The following XRN1 variants were observed in gnomAD, a reference collection of about 807,000 sequenced individuals.
XRN1 encodes strand-exchange protein 1 homolog.
In XRN1, 67 loss-of-function variants were observed where a neutral mutation model predicts 222.3. That is an observed-to-expected ratio of 0.30 (90% confidence interval 0.25 to 0.37). The LOEUF (loss-of-function observed/expected upper bound fraction) is 0.37. Among genes scored for constraint, XRN1 ranks in the 10% least tolerant of loss-of-function variants. The pLI is 1.00. For missense variants in XRN1, 1,707 were observed against 2,000.2 expected, an observed-to-expected ratio of 0.85 and a Z score of 2.80; for synonymous variants, 643 against 652.4, an observed-to-expected ratio of 0.99 and a Z score of 0.22.
At chr3:142,347,185 T>TA in intron 33 of XRN1, 49 bp downstream of exon 33, 1 of 1,227,570 alleles carries the variant, frequency 8.1e-7, no homozygotes, top group Non-Finnish European at 1.2e-6. Context: ...TTTATTTTTT[T>TA]AAAAAAGAAG....
chr3:142,346,115 C>T (rs1037483781), intron 33 of XRN1, among the ~76,000 whole-genome samples: 1 of 152,196 alleles, frequency 6.6e-6, no homozygotes, highest in South Asian at 2.1e-4. Context: ...ACTATAGCCC[C>T]AATGTGGAAA....
intron 27 of XRN1, among the ~76,000 whole-genome samples, chr3:142,368,305 C>T (rs959206292): frequency 3.3e-5 from 5 of 152,128 alleles, no homozygotes; most frequent in African/African-American, 9.6e-5. Flanking sequence ...CCCGCCACCA[C>T]GCCTGGCTAA....
intron 34 of XRN1, 101 bp downstream of exon 34, chr3:142,335,347 T>G: frequency 8.9e-7 from 1 of 1,129,370 alleles, no homozygotes; most frequent in Middle Eastern, 2.0e-4. Flanking sequence ...ACACACCTTA[T>G]AAATTTGGTT....
chr3:142,326,280 A>G (rs2065514180), intron 37 of XRN1, among the ~76,000 whole-genome samples: 1 of 152,092 alleles, frequency 6.6e-6, no homozygotes, highest in Non-Finnish European at 1.5e-5. Context: ...CCAATACATG[A>G]ACATGGACAA....
intron 36 of XRN1, among the ~76,000 whole-genome samples, chr3:142,330,214 G>A (rs1485944275): frequency 1.3e-5 from 2 of 152,128 alleles, no homozygotes; most frequent in Non-Finnish European, 2.9e-5. Context: ...TGGCTTTCTT[G>A]AGCTGAAATA....
At chr3:142,442,887 C>T (rs1470162789) in intron 1 of XRN1, among the ~76,000 whole-genome samples, 5 of 152,184 alleles carry the variant, frequency 3.3e-5, no homozygotes, top group Admixed American at 6.5e-5. Flanking sequence ...GCGCCCAACA[C>T]GACGCCCGGC....
chr3:142,389,157 G>A (rs1343749435), intron 20 of XRN1, among the ~76,000 whole-genome samples: 1 of 152,188 alleles, frequency 6.6e-6, no homozygotes, highest in Non-Finnish European at 1.5e-5. Flanking sequence ...AGGTTGCAGT[G>A]AGCCGAGATC....
chr3:142,411,355 T>C (rs2068571739), intron 15 of XRN1, among the ~76,000 whole-genome samples: 1 of 152,198 alleles, frequency 6.6e-6, no homozygotes, highest in African/African-American at 2.4e-5. Flanking sequence ...TTCTGCTTCT[T>C]TTTATTTCCT....
chr3:142,423,472 A>G, intron 6 of XRN1, 88 bp downstream of exon 6: 1 of 1,054,934 alleles, frequency 9.5e-7, no homozygotes, highest in South Asian at 2.2e-5. Context: ...CTACGGAATG[A>G]GATAAAGTAT....
intron 1 of XRN1, among the ~76,000 whole-genome samples, chr3:142,439,836 G>A (rs1439824241): frequency 6.6e-6 from 1 of 152,028 alleles, no homozygotes; most frequent in East Asian, 1.9e-4. Context: ...TGGGCAAATC[G>A]AATGCCTAAA....
At chr3:142,424,848 T>G (rs970649613) in intron 5 of XRN1, among the ~76,000 whole-genome samples, 1 of 76,776 alleles carries the variant, frequency 1.3e-5, no homozygotes, top group African/African-American at 6.6e-5. Flanking sequence ...AAAATTTCCA[T>G]AATAAAAAGT....
Position 142,404,008 on chromosome 3 carries a change from C to T in XRN1, c.1884-19G>A, listed in dbSNP as rs768886719. 4.8e-5 allele frequency: 73 copies of T among 1,535,456 alleles called. No homozygotes were observed. Among genetic ancestry groups the T allele is most frequent in the Non-Finnish European group, 6.4e-5 (72 of 1,118,246 alleles). ...TTTATACCTAGAAAATAAATCAAGG[C>T]ATTTAATTTAAAATTAATACATTAC... On this transcript the variant is annotated intron_variant, in intron 16 of 40. Transcript: ENST00000392981.
At chr3:142,438,692 C>T (rs140469492) in intron 1 of XRN1, among the ~76,000 whole-genome samples, 3 of 152,186 alleles carry the variant, frequency 2.0e-5, no homozygotes, top group East Asian at 1.9e-4. Context: ...CGCCTGGCCA[C>T]GATATCCTCT....
chr3:142,409,399 T>C (rs2068472151), intron 15 of XRN1, among the ~76,000 whole-genome samples: 1 of 152,238 alleles, frequency 6.6e-6, no homozygotes, highest in Non-Finnish European at 1.5e-5. Flanking sequence ...ATATAGCCAG[T>C]TGTTCTAGCA....
chr3:142,312,743 G>A lies in XRN1; in HGVS notation c.4637C>T (p.Ser1546Leu), dbSNP rs761957657. 1.5e-5 allele frequency: 24 copies of A among 1,610,744 alleles called. No homozygotes were observed. In the African/African-American group the frequency reaches 1.9e-4, roughly 13 times the overall value. The change falls in exon 40 of 41, where the codon TCG (serine) becomes TTG (leucine). Residue 1546 changes from serine (S) to leucine (L), a missense_variant. This residue lies in a region of XRN1 where 473 missense variants were observed against 482.0 expected (regional missense o/e 0.98). Coordinates refer to ENST00000392981, the MANE Select transcript of XRN1 (RefSeq NM_001282857.2). ...CATTGAGCCAAAGAGATGAGACGAC[G>A]AAGGCATTATATTAGCTGTTAAAAA... is the stretch of plus-strand genomic sequence containing the variant. ...FPPPTANIMPSSSHLFGSMPW... is the reference protein window; with the variant it reads ...FPPPTANIMPLSSHLFGSMPW...
rs1027894806 is a variant in XRN1, at chr3:142,392,841, G to A, written c.2339+4488C>T. ...TTATAGTCCTTTGGGTATATACCCC[G>A]TAATGGGATGGCTGGGTCAAATGGT... On this transcript the variant is annotated intron_variant, in intron 20 of 40. Transcript: ENST00000392981. Among the ~76,000 whole-genome samples the A allele has an allele frequency of 1.2e-3, 182 of 151,860 alleles. 2 individuals carry two copies. The highest frequency in any genetic ancestry group is 4.3e-3 in the African/African-American group (177 of 41,230).
intron 37 of XRN1, among the ~76,000 whole-genome samples, chr3:142,321,689 C>T (rs2065361407): frequency 6.6e-6 from 1 of 152,100 alleles, no homozygotes; most frequent in Non-Finnish European, 1.5e-5. Flanking sequence ...TCCTTTGTTA[C>T]TTTTATTCCT....
In XRN1 at chr3:142,365,386, G is replaced by T; in HGVS notation, c.3205-20C>A. 6.6e-7 allele frequency: 1 copy of T among 1,521,068 alleles called. No homozygotes were observed. The highest frequency in any genetic ancestry group is 8.9e-7 in the Non-Finnish European group (1 of 1,128,976). 94.2% of individuals were successfully genotyped at this position (1,521,068 alleles called of 1,614,324 possible). Reference sequence around the variant, plus strand: ...TCTTTGCTGAGGAAAAAGAAAAATTGTTAAATATTTTTAAAATATAAAATT... The same window carrying T: ...TCTTTGCTGAGGAAAAAGAAAAATTTTTAAATATTTTTAAAATATAAAATT... On this transcript the variant is annotated intron_variant, in intron 27 of 40. Coordinates refer to ENST00000392981, the MANE Select transcript of XRN1 (RefSeq NM_001282857.2).
At chr3:142,355,611 C>T (rs774312797) in intron 31 of XRN1, 115 bp from the exon 32 acceptor site, 61 of 672,696 alleles carry the variant, frequency 9.1e-5, no homozygotes, top group Non-Finnish European at 1.4e-4. Flanking sequence ...GGATATTAAA[C>T]CTTTTTTTTT....
Sources: allele counts gnomAD v4.1 joint callset (sites outside exome capture counted in the v4.1 genomes callset), GRCh38; gene constraint gnomAD v4.1.1; regional missense constraint gnomAD v4.1.1; transcripts MANE v1.5; gene names NCBI Gene and HGNC (gene_info 2026-07-23, HGNC 2026-07-21).